Variants in BABAM2 observed in about 807,000 individuals in gnomAD.
BABAM2 encodes BRISC and BRCA1-A complex member 2.
A neutral mutation model predicts 54.7 loss-of-function variants in BABAM2; 31 were observed. The ratio of observed to expected loss-of-function variants is 0.57; its 90% confidence interval spans 0.43 to 0.77. BABAM2 has a LOEUF of 0.77. Among genes scored for constraint, BABAM2 ranks in the 30% least tolerant of loss-of-function variants. The probability of loss-of-function intolerance (pLI) is 0.00; values close to 1 mark genes in which losing one functional copy is unlikely to be tolerated. For missense variants in BABAM2, 364 were observed against 455.8 expected (o/e 0.80, Z 1.83); for synonymous variants, 167 against 162.9 (o/e 1.03, Z -0.19).
At chr2:28,027,977 A>G (rs1228963228) in intron 5 of BABAM2, among the ~76,000 whole-genome samples, 1 of 152,216 alleles carries the variant, frequency 6.6e-6, no homozygotes, top group Non-Finnish European at 1.5e-5. Context: ...GGCTTCAAAC[A>G]ATAACATTTA....
intron 7 of BABAM2, among the ~76,000 whole-genome samples, chr2:28,155,893 G>A (rs1024954163): frequency 5.9e-5 from 9 of 152,154 alleles, no homozygotes; most frequent in Non-Finnish European, 1.2e-4. Flanking sequence ...AGTAGGAAGT[G>A]TGAAATTAGT....
At chr2:28,128,746 C>T (rs1669783942) in intron 6 of BABAM2, among the ~76,000 whole-genome samples, 1 of 152,098 alleles carries the variant, frequency 6.6e-6, no homozygotes, top group Non-Finnish European at 1.5e-5. Context: ...ATGAATCATC[C>T]ATTATCATTT....
intron 7 of BABAM2, among the ~76,000 whole-genome samples, chr2:28,139,057 A>G (rs1446208408): frequency 6.6e-6 from 1 of 152,058 alleles, no homozygotes. Flanking sequence ...CCAGATACCC[A>G]AGCCATAGGT....
intron 10 of BABAM2, among the ~76,000 whole-genome samples, chr2:28,247,544 TAAC>T (rs1345370864): frequency 1.3e-5 from 2 of 152,210 alleles, no homozygotes; most frequent in East Asian, 1.9e-4. Flanking sequence ...GGCAGAGACT[TAAC>T]AAAGAACATT....
chr2:27,889,887 A>G (rs779472109), upstream of BABAM2: 6 of 213,974 alleles, frequency 2.8e-5, no homozygotes. Flanking sequence ...AGGTAGGCAC[A>G]TTCTCGGAGG....
chr2:28,287,702 A>G (rs923431032), intron 10 of BABAM2, among the ~76,000 whole-genome samples: 3 of 152,182 alleles, frequency 2.0e-5, no homozygotes, highest in Non-Finnish European at 4.4e-5. Flanking sequence ...GTTGGAAGCA[A>G]TAGCAGGTTG....
intron 6 of BABAM2, among the ~76,000 whole-genome samples, chr2:28,058,228 G>C (rs1036516682): frequency 6.6e-6 from 1 of 152,126 alleles, no homozygotes; most frequent in African/African-American, 2.4e-5. Context: ...GAACAGTCCA[G>C]TTTGGCTAAA....
intron 11 of BABAM2, chr2:28,307,734 A>G (rs1688685197): frequency 6.6e-6 from 1 of 152,180 alleles, no homozygotes; most frequent in Non-Finnish European, 1.5e-5. Flanking sequence ...CTTTTAAAGA[A>G]TTCAAGAAAA....
chr2:28,280,804 A>G (rs1686289263), intron 10 of BABAM2, among the ~76,000 whole-genome samples: 2 of 152,166 alleles, frequency 1.3e-5, no homozygotes, highest in African/African-American at 4.8e-5. Flanking sequence ...TAATTAATCT[A>G]GAATGAGCCA....
At chr2:27,989,476 A>G (rs551456681) in intron 4 of BABAM2, among the ~76,000 whole-genome samples, 6 of 152,224 alleles carry the variant, frequency 3.9e-5, no homozygotes, top group Non-Finnish European at 8.8e-5. Flanking sequence ...AGTAGCTAGG[A>G]TTTGTCTAAT....
chr2:28,258,325 C>T (rs1385091422), intron 10 of BABAM2, among the ~76,000 whole-genome samples: 1 of 152,112 alleles, frequency 6.6e-6, no homozygotes, highest in Non-Finnish European at 1.5e-5. Flanking sequence ...CTATGGTGCA[C>T]GTATTTTAAC....
chr2:28,337,411 C>T (rs1427993911), intron 11 of BABAM2, among the ~76,000 whole-genome samples: 2 of 152,206 alleles, frequency 1.3e-5, no homozygotes, highest in East Asian at 1.9e-4. Flanking sequence ...TGCATTCTCC[C>T]ACACGGCGTG....
At chr2:28,161,403 G>A (rs1673078744) in intron 7 of BABAM2, among the ~76,000 whole-genome samples, 1 of 152,136 alleles carries the variant, frequency 6.6e-6, no homozygotes, top group African/African-American at 2.4e-5. Context: ...AATGGGGATG[G>A]GAGCAAGAGT....
chr2:27,982,769 C>T (rs991374211), intron 3 of BABAM2, among the ~76,000 whole-genome samples: 2 of 151,282 alleles, frequency 1.3e-5, no homozygotes, highest in East Asian at 1.9e-4. Flanking sequence ...TACTTGATGT[C>T]GTCAATATTC....
At chr2:28,001,440 A>G (rs1673571037) in intron 4 of BABAM2, among the ~76,000 whole-genome samples, 1 of 152,202 alleles carries the variant, frequency 6.6e-6, no homozygotes, top group Non-Finnish European at 1.5e-5. Flanking sequence ...AATACCTCAT[A>G]TTTAGGCACT....
At chr2:28,025,692 G>A (rs1477467228) in intron 5 of BABAM2, among the ~76,000 whole-genome samples, 1 of 152,142 alleles carries the variant, frequency 6.6e-6, no homozygotes, top group Non-Finnish European at 1.5e-5. Flanking sequence ...GGGCCTGCAC[G>A]TGCTACCAGC....
chr2:27,977,696 G>A (rs999009499), intron 3 of BABAM2, among the ~76,000 whole-genome samples: 2 of 152,172 alleles, frequency 1.3e-5, no homozygotes, highest in Admixed American at 1.3e-4. Context: ...AGATCTGGGT[G>A]TTATCCTCTA....
chr2:28,318,754 G>A (rs1689778346), intron 11 of BABAM2, among the ~76,000 whole-genome samples: 1 of 152,208 alleles, frequency 6.6e-6, no homozygotes, highest in South Asian at 2.1e-4. Context: ...CCCCAGTTTT[G>A]GAGAAAAGAT....
chr2:28,237,044 G>A (rs771642967), intron 7 of BABAM2, among the ~76,000 whole-genome samples, 158 bp from the exon 8 acceptor site: 15 of 152,254 alleles, frequency 9.9e-5, no homozygotes, highest in Non-Finnish European at 1.9e-4. Context: ...TTAAAATACA[G>A]AAATGTAATC....
Sources: gnomAD v4.1 joint callset for allele counts (sites outside exome capture counted in the v4.1 genomes callset) on GRCh38, gnomAD v4.1.1 for gene constraint, MANE v1.5 for transcripts, NCBI Gene and HGNC (gene_info 2026-07-23, HGNC 2026-07-21) for gene names.